CSMD1: variants seen among roughly 807,000 people sequenced by gnomAD.
The protein encoded by CSMD1 is CUB and sushi domain-containing protein 1.
A neutral mutation model predicts 417.5 loss-of-function variants in CSMD1; 213 were observed. The observed-to-expected ratio is 0.51, with a 90% CI of 0.46 to 0.57. The LOEUF (loss-of-function observed/expected upper bound fraction) is 0.57. CSMD1 is among the 20% of genes least tolerant of loss of function. CSMD1 has a pLI of 0.00. For missense variants in CSMD1, 6,923 were observed against 4,529.7 expected (o/e 1.53, Z -15.17); for synonymous variants, 2,862 against 1,736.8 (o/e 1.65, Z -16.11).
chr8:4,778,595 G>C (rs893219022), intron 1 of CSMD1, among the ~76,000 whole-genome samples: 5 of 152,182 alleles, frequency 3.3e-5, no homozygotes, highest in African/African-American at 2.4e-5. Flanking sequence ...GTGAGAGGGA[G>C]GTCATGTGCA....
chr8:3,137,924 G>T (rs1405710344), intron 41 of CSMD1, among the ~76,000 whole-genome samples: 2 of 152,084 alleles, frequency 1.3e-5, no homozygotes, highest in Non-Finnish European at 2.9e-5. Context: ...CATTTATATG[G>T]CATTAACAAC....
intron 23 of CSMD1, among the ~76,000 whole-genome samples, chr8:3,314,422 C>T (rs1046893003): frequency 9.2e-5 from 14 of 152,108 alleles, no homozygotes; most frequent in East Asian, 3.9e-4. Context: ...GTATCCTTTT[C>T]TATCTTGAAG....
chr8:4,249,355 G>A (rs1038232325), intron 3 of CSMD1, among the ~76,000 whole-genome samples: 3 of 152,196 alleles, frequency 2.0e-5, no homozygotes, highest in Non-Finnish European at 2.9e-5. Context: ...GCGGTGTTCA[G>A]TCTACGGATG....
In CSMD1 at chr8:4,229,049, G is replaced by C. The variant is rs182587300; in HGVS notation, c.415+190904C>G. Among the ~76,000 whole-genome samples the C allele has an allele frequency of 4.6e-5, 7 of 152,210 alleles. No homozygotes were observed. The East Asian group carries it at 7.7e-4, about 17-fold the overall frequency. On this transcript the variant is annotated intron_variant, in intron 3 of 69. Transcript: ENST00000635120. ...ATCCGACTGTCTTCTCAACCACCTGGGATATCAGACTAAGCTTTCCCAAAC... is the reference window on the plus strand; with the variant it reads ...ATCCGACTGTCTTCTCAACCACCTGCGATATCAGACTAAGCTTTCCCAAAC...
intron 3 of CSMD1, among the ~76,000 whole-genome samples, chr8:4,135,943 A>G (rs1363451772): frequency 6.6e-6 from 1 of 152,190 alleles, no homozygotes; most frequent in African/African-American, 2.4e-5. Context: ...TGGGCTTTCT[A>G]AACTATTGGT....
intron 52 of CSMD1, among the ~76,000 whole-genome samples, chr8:3,005,517 T>C (rs1480168901): frequency 6.6e-6 from 1 of 152,000 alleles, no homozygotes; most frequent in Non-Finnish European, 1.5e-5. Context: ...GATGCAAAAA[T>C]CCTCAATAAA....
chr8:4,640,024 A>G (rs1160554326), intron 1 of CSMD1, among the ~76,000 whole-genome samples: 1 of 152,234 alleles, frequency 6.6e-6, no homozygotes, highest in Non-Finnish European at 1.5e-5. Flanking sequence ...AGACTTGATT[A>G]TAAATTGGAA....
chr8:4,846,993 G>A (rs1327406030), intron 1 of CSMD1, among the ~76,000 whole-genome samples: 9 of 152,008 alleles, frequency 5.9e-5, no homozygotes, highest in South Asian at 4.2e-4. Flanking sequence ...ACATCATTTC[G>A]TTAATGATTT....
At chr8:3,914,263 T>G (rs185199519) in intron 5 of CSMD1, among the ~76,000 whole-genome samples, 4 of 152,072 alleles carry the variant, frequency 2.6e-5, no homozygotes, top group East Asian at 1.9e-4. Flanking sequence ...GTTAGAGAGG[T>G]TGCATACTTT....
rs147347245 is a variant in CSMD1, at chr8:4,620,116, T to C, written c.302+17226A>G. 7.6e-3 allele frequency among the ~76,000 whole-genome samples: 1,156 copies of C among 152,058 alleles called. 13 individuals are homozygous for C. Among genetic ancestry groups the C allele is most frequent in the Middle Eastern group, 0.058 (15 of 260 alleles). On this transcript the variant is annotated intron_variant, in intron 2 of 69. Transcript: ENST00000635120. ...CACATTAATTAATTATTATCAGTTA[T>C]AGGAGTATACATTTTTCCCTTTTTA...
intron 3 of CSMD1, among the ~76,000 whole-genome samples, chr8:4,196,744 A>T (rs1312154417): frequency 6.6e-6 from 1 of 152,108 alleles, no homozygotes; most frequent in Non-Finnish European, 1.5e-5. Flanking sequence ...TCTCTATCTC[A>T]AGACCCTTTA....
rs182698447 is a variant in CSMD1 at position 4,928,827 on chromosome 8, T to C, written c.85+65505A>G. ...GCTCACTCCTGTAATCACAGGACTT[T>C]GGGAGGCTGAGGTGAGTGGATCACC... On this transcript the variant is annotated intron_variant, in intron 1 of 69. Coordinates refer to ENST00000635120, the MANE Select transcript of CSMD1 (RefSeq NM_033225.6). 3.4e-3 allele frequency among the ~76,000 whole-genome samples: 523 copies of C among 152,186 alleles called. 1 individual carries two copies. The highest frequency in any genetic ancestry group is 1.0e-2 in the South Asian group (48 of 4,806).
At chr8:3,289,197 G>T (rs1281555198) in intron 25 of CSMD1, among the ~76,000 whole-genome samples, 1 of 147,410 alleles carries the variant, frequency 6.8e-6, no homozygotes, top group Non-Finnish European at 1.5e-5. Context: ...TGGTGTATAT[G>T]TGCCACATTT....
chr8:4,455,847 C>T (rs1249593921), intron 2 of CSMD1, among the ~76,000 whole-genome samples: 2 of 135,332 alleles, frequency 1.5e-5, no homozygotes, highest in Non-Finnish European at 3.1e-5. Flanking sequence ...AAGATAACTG[C>T]TTGAACCTGG....
intron 26 of CSMD1, among the ~76,000 whole-genome samples, chr8:3,277,542 T>G (rs1036139464): frequency 1.3e-5 from 2 of 152,100 alleles, no homozygotes; most frequent in African/African-American, 4.8e-5. Flanking sequence ...TACAGAGGTC[T>G]AAAAATGGCT....
rs868615318 is a variant in CSMD1, at chr8:4,874,671, C to T, written c.85+119661G>A. On this transcript the variant is annotated intron_variant, in intron 1 of 69. Transcript: ENST00000635120. ...CTCCCAGAGTCCTGGGATCAGTTGG[C>T]ATCTTATGTAGAATAGCTAACAGTG... is the stretch of plus-strand genomic sequence containing the variant. 2.0e-4 allele frequency among the ~76,000 whole-genome samples: 31 copies of T among 151,776 alleles called. No individual in the cohort carries two copies. The South Asian group carries it at 5.4e-3, about 26-fold the overall frequency.
chr8:3,445,058 G>C lies in CSMD1; in HGVS notation c.1561+23654C>G, dbSNP rs1316598246. On this transcript the variant is annotated intron_variant, in intron 12 of 69. Transcript: ENST00000635120. ...TCTTAAACACTCTGGAGATGCAATC[G>C]GCAAAATGTCTACTATGGCAAATTC... Among the ~76,000 whole-genome samples, 3 of 152,006 alleles carry C rather than the reference G, an allele frequency of 2.0e-5. No homozygotes were observed. The East Asian group carries it at 5.8e-4, about 29-fold the overall frequency.
At chr8:3,645,321 A>T (rs888394046) in intron 7 of CSMD1, among the ~76,000 whole-genome samples, 1 of 152,228 alleles carries the variant, frequency 6.6e-6, no homozygotes, top group Non-Finnish European at 1.5e-5. Flanking sequence ...AGCAGCTGCA[A>T]TTAAAACCTT....
chr8:4,281,142 C>T (rs1425606607), intron 3 of CSMD1, among the ~76,000 whole-genome samples: 1 of 152,106 alleles, frequency 6.6e-6, no homozygotes, highest in African/African-American at 2.4e-5. Context: ...ACTCAGCCCT[C>T]GGGAGCACCT....
Sources: allele counts gnomAD v4.1 joint callset (sites outside exome capture counted in the v4.1 genomes callset), GRCh38; gene constraint gnomAD v4.1.1; transcripts MANE v1.5; gene names NCBI Gene and HGNC (gene_info 2026-07-23, HGNC 2026-07-21).